Variants in STK32C observed in about 807,000 individuals in gnomAD.
STK32C encodes serine/threonine kinase 32C.
A neutral mutation model predicts 56.5 loss-of-function variants in STK32C; 31 were observed. The ratio of observed to expected loss-of-function variants is 0.55; its 90% CI spans 0.41 to 0.74. STK32C has a LOEUF of 0.74. Ranked by LOEUF, STK32C falls within the 30% of genes least tolerant of loss-of-function variation. The pLI is 0.00. For missense variants in STK32C, 544 were observed against 676.9 expected (o/e 0.80, Z 2.18); for synonymous variants, 309 against 289.4 (o/e 1.07, Z -0.69).
At chr10:132,230,686 G>C (rs868731434) in intron 2 of STK32C, among the ~76,000 whole-genome samples, 2 of 142,322 alleles carry the variant, frequency 1.4e-5, no homozygotes, top group Admixed American at 6.7e-5. Flanking sequence ...TGGCGGGGGG[G>C]GGGGGGCTGC....
intron 1 of STK32C, among the ~76,000 whole-genome samples, chr10:132,246,911 CCT>C (rs1452892437): frequency 1.1e-4 from 17 of 152,298 alleles, no homozygotes; most frequent in Admixed American, 1.0e-3. Context: ...GGTCTGCACC[CCT>C]CAGTGTGCTG....
chr10:132,239,568 G>C (rs964117987), intron 2 of STK32C, among the ~76,000 whole-genome samples: 6 of 152,262 alleles, frequency 3.9e-5, no homozygotes, highest in Non-Finnish European at 7.3e-5. Context: ...TGAGCGGGGT[G>C]GCCAGGCAGT....
At chr10:132,248,727 G>A (rs1332733252) in intron 1 of STK32C, among the ~76,000 whole-genome samples, 1 of 152,190 alleles carries the variant, frequency 6.6e-6, no homozygotes, top group Non-Finnish European at 1.5e-5. Flanking sequence ...ATGGGTACCT[G>A]GAGTCCAGTC....
At chr10:132,331,658 G>A (rs924157159) in exon 1 of STK32C, 1 of 1,612,824 alleles carries the variant, frequency 6.2e-7, no homozygotes, top group South Asian at 1.1e-5. Flanking sequence ...TGCCTCAGCA[G>A]CAATTCTTTT....
At chr10:132,213,668 C>CA (rs754817111) in intron 10 of STK32C, among the ~76,000 whole-genome samples, 100 of 152,324 alleles carry the variant, frequency 6.6e-4, no homozygotes, top group African/African-American at 2.4e-3. Context: ...ACAATGCACA[C>CA]ATTAGAACAG....
At chr10:132,245,382 A>G (rs1379367027) in intron 2 of STK32C, among the ~76,000 whole-genome samples, 8 of 152,238 alleles carry the variant, frequency 5.3e-5, no homozygotes, top group Non-Finnish European at 8.8e-5. Flanking sequence ...TAGATATTAC[A>G]AGGCGGCAAT....
chr10:132,322,805 G>T (rs1249263680), downstream of STK32C, among the ~76,000 whole-genome samples: 1 of 152,196 alleles, frequency 6.6e-6, no homozygotes, highest in Non-Finnish European at 1.5e-5. Context: ...CCAGTGTCCT[G>T]GGGTGGAGGT....
chr10:132,331,918 C>T (rs1488384984), upstream of STK32C: 4 of 651,658 alleles, frequency 6.1e-6, no homozygotes, highest in African/African-American at 5.5e-5. Context: ...GCACCACAAC[C>T]CCCCCACCGC....
intron 1 of STK32C, among the ~76,000 whole-genome samples, chr10:132,270,195 G>T (rs1246455179): frequency 6.6e-6 from 1 of 152,234 alleles, no homozygotes; most frequent in Non-Finnish European, 1.5e-5. Context: ...GGATGTCCAG[G>T]CCCCAGTCCC....
downstream of STK32C, among the ~76,000 whole-genome samples, chr10:132,322,209 C>G (rs572723818): frequency 5.9e-5 from 9 of 152,308 alleles, no homozygotes; most frequent in South Asian, 1.9e-3. Flanking sequence ...TATTTCTCCT[C>G]TACTGTGAGC....
At chr10:132,281,146 C>G (rs1378515618) in intron 1 of STK32C, among the ~76,000 whole-genome samples, 1 of 151,566 alleles carries the variant, frequency 6.6e-6, no homozygotes, top group Non-Finnish European at 1.5e-5. Flanking sequence ...AGAGCAAGAC[C>G]TATCTTTAAA....
intron 1 of STK32C, among the ~76,000 whole-genome samples, chr10:132,265,449 C>T (rs1336571417): frequency 6.6e-6 from 1 of 152,324 alleles, no homozygotes; most frequent in African/African-American, 2.4e-5. Context: ...GCTGCAAGGG[C>T]AACACACAGC....
At chr10:132,265,501 G>A (rs1242006542) in intron 1 of STK32C, among the ~76,000 whole-genome samples, 1 of 152,156 alleles carries the variant, frequency 6.6e-6, no homozygotes, top group Admixed American at 6.5e-5. Flanking sequence ...CTGGGGCCCT[G>A]CCTGGGTGTG....
chr10:132,216,287 A>T (rs988196172), intron 10 of STK32C, among the ~76,000 whole-genome samples: 1 of 152,136 alleles, frequency 6.6e-6, no homozygotes, highest in Non-Finnish European at 1.5e-5. Flanking sequence ...CAACATGGTG[A>T]AACCCTTCTC....
chr10:132,266,814 G>A (rs182698742), intron 1 of STK32C, among the ~76,000 whole-genome samples: 1 of 152,044 alleles, frequency 6.6e-6, no homozygotes, highest in East Asian at 1.9e-4. Context: ...GGTGGGGCGG[G>A]GGGACTCCAA....
rs76991904 is a variant in STK32C, at chr10:132,280,638, G to T, written c.262+26934C>A. ...CCACGCCCCTGCACTCCGTGATCAC[G>T]ACACTCCACTCCATGATCACCACAC... On this transcript the variant is annotated intron_variant, in intron 1 of 11. Coordinates refer to ENST00000298630, the MANE Select transcript of STK32C (RefSeq NM_173575.4). Among the ~76,000 whole-genome samples, 39 of 91,382 alleles carry T rather than the reference G, an allele frequency of 4.3e-4. 3 individuals carry two copies. The highest frequency in any genetic ancestry group is 4.0e-3 in the Admixed American group (39 of 9,826). 60.0% of individuals were successfully genotyped at this position (91,382 alleles called of 152,430 possible).
intron 1 of STK32C, among the ~76,000 whole-genome samples, chr10:132,276,729 G>A (rs1182064970): frequency 6.6e-6 from 1 of 152,102 alleles, no homozygotes; most frequent in African/African-American, 2.4e-5. Context: ...CAAAGCTTCA[G>A]TGAGCTATGA....
In STK32C at chr10:132,228,065, G is replaced by A; in HGVS notation, c.382C>T (p.Gln128Ter). The A allele has an allele frequency of 6.2e-7, 1 of 1,614,058 alleles. No homozygotes were observed. The highest frequency in any genetic ancestry group is 8.5e-7 in the Non-Finnish European group (1 of 1,180,030). The change falls in exon 3 of 12, where the codon CAG becomes TAG. Residue 128 changes from glutamine (Q) to a stop codon, truncating the protein, a stop_gained. Coordinates refer to ENST00000298630, the MANE Select transcript of STK32C (RefSeq NM_173575.4). LOFTEE classifies it high-confidence loss of function. The part of the protein sequence containing the change: ...MYAMKYMNKQ[Q>*]CIERDEVRNV... ...CGGACCTCGTCGCGCTCGATGCACT[G>A]CTGCTTGTTCATGTACTTCATGGCG...
chr10:132,257,490 G>C (rs1189889117), intron 1 of STK32C, among the ~76,000 whole-genome samples: 1 of 148,950 alleles, frequency 6.7e-6, no homozygotes, highest in Non-Finnish European at 1.5e-5. Flanking sequence ...ACTCAGAGCA[G>C]GGAGGGAGCA....
Sources: gnomAD v4.1 joint callset for allele counts (sites outside exome capture counted in the v4.1 genomes callset) on GRCh38, gnomAD v4.1.1 for gene constraint, MANE v1.5 for transcripts, NCBI Gene and HGNC (gene_info 2026-07-23, HGNC 2026-07-21) for gene names.